Variants in PPM1H observed in about 807,000 individuals in gnomAD.
PPM1H encodes protein phosphatase 1H.
A neutral mutation model predicts 54.9 loss-of-function variants in PPM1H; 27 were observed. The ratio of observed to expected loss-of-function variants is 0.49; its 90% CI spans 0.36 to 0.68. The LOEUF is 0.68. Among genes scored for constraint, PPM1H ranks in the 30% least tolerant of loss-of-function variants. The pLI is 0.00. For synonymous variants in PPM1H, 305 were observed against 270.8 expected, an observed-to-expected ratio of 1.13 and a Z score of -1.24; for missense variants, 596 against 667.8, an observed-to-expected ratio of 0.89 and a Z score of 1.19.
In PPM1H at chr12:62,900,305, G is replaced by A. The variant is rs1239653934; in HGVS notation, c.245+34187C>T. 2.6e-5 allele frequency among the ~76,000 whole-genome samples: 4 copies of A among 151,440 alleles called. No homozygotes were observed. The South Asian group carries it at 6.3e-4, about 24-fold the overall frequency. On this transcript the variant is annotated intron_variant, in intron 1 of 9. Coordinates refer to ENST00000228705, the MANE Select transcript of PPM1H (RefSeq NM_020700.2). ...TTGTGATAGTTTGCTGAGAATGATC[G>A]TTTCCAGCTTCATCCATGTCCCTAC...
At chr12:62,749,275 G>A (rs2076428340) in intron 4 of PPM1H, among the ~76,000 whole-genome samples, 1 of 152,216 alleles carries the variant, frequency 6.6e-6, no homozygotes, top group South Asian at 2.1e-4. Flanking sequence ...TCTTTCAGCT[G>A]AAAGTGATTC....
At chr12:62,771,340 G>A (rs1037856084) in intron 4 of PPM1H, among the ~76,000 whole-genome samples, 11 of 133,948 alleles carry the variant, frequency 8.2e-5, no homozygotes, top group South Asian at 7.8e-4. Context: ...ACACACACAC[G>A]GGCCTTTGGA....
intron 8 of PPM1H, among the ~76,000 whole-genome samples, chr12:62,678,804 C>T (rs1213284478): frequency 1.3e-5 from 2 of 152,054 alleles, no homozygotes; most frequent in African/African-American, 4.8e-5. Context: ...CATTCTCGTG[C>T]CTTAGCCTCC....
rs1255783303 is a variant in PPM1H, at chr12:62,934,194, T to C, written c.245+298A>G. 5 of 359,968 alleles carry C rather than the reference T, an allele frequency of 1.4e-5. No individual in the cohort carries two copies. The highest frequency in any genetic ancestry group is 9.0e-5 in the East Asian group (2 of 22,286). 22.3% of individuals were successfully genotyped at this position (359,968 alleles called of 1,614,324 possible). On this transcript the variant is annotated intron_variant, in intron 1 of 9. Transcript: ENST00000228705. The surrounding 1 kb of genome is among the most constrained non-coding windows in gnomAD (Gnocchi z 4.2). The stretch of plus-strand genomic sequence containing the variant: ...TTTCTGCCCGTTTTTTTTCCCCAAG[T>C]GACAGAGACCCCGGATTCACAGACC...
chr12:62,842,822 C>G (rs755003778), intron 1 of PPM1H, among the ~76,000 whole-genome samples: 1 of 152,266 alleles, frequency 6.6e-6, no homozygotes, highest in East Asian at 1.9e-4. Flanking sequence ...AAATTGGAGA[C>G]GCAGTCTCAT....
chr12:62,771,778 C>T (rs1444413943), intron 4 of PPM1H, among the ~76,000 whole-genome samples: 1 of 152,160 alleles, frequency 6.6e-6, no homozygotes, highest in Non-Finnish European at 1.5e-5. Context: ...AATGCTTTTG[C>T]ATGAATTATG....
chr12:62,671,365 G>A (rs342174), intron 8 of PPM1H, among the ~76,000 whole-genome samples: 28,866 of 151,794 alleles, frequency 0.19, 2,980 homozygotes, highest in East Asian at 0.26. Flanking sequence ...AAAGCCAGAC[G>A]AATCCTTGAG....
intron 1 of PPM1H, among the ~76,000 whole-genome samples, chr12:62,933,361 C>T (rs541516855): frequency 6.6e-6 from 1 of 152,096 alleles, no homozygotes; most frequent in African/African-American, 2.4e-5. Context: ...CCCGGGGTAT[C>T]CGGGCCACCA....
chr12:62,676,623 CTGTCGT>C (rs1303951065), intron 8 of PPM1H, among the ~76,000 whole-genome samples: 1 of 152,154 alleles, frequency 6.6e-6, no homozygotes, highest in African/African-American at 2.4e-5. Context: ...AGCCTGGTCA[CTGTCGT>C]GACCCGGCTG....
intron 4 of PPM1H, among the ~76,000 whole-genome samples, chr12:62,780,951 T>A (rs746471283): frequency 3.9e-5 from 6 of 152,226 alleles, no homozygotes; most frequent in Non-Finnish European, 8.8e-5. Context: ...ATATTCTACT[T>A]CTATGAACTT....
intron 5 of PPM1H, among the ~76,000 whole-genome samples, chr12:62,723,504 A>G (rs74234924): frequency 0.011 from 1,732 of 152,304 alleles, 29 homozygotes; most frequent in East Asian, 0.085. Context: ...TGTTTAGGCC[A>G]TGAAGGTAGA....
intron 9 of PPM1H, among the ~76,000 whole-genome samples, chr12:62,666,337 G>A (rs2075917509): frequency 6.6e-6 from 1 of 152,018 alleles, no homozygotes; most frequent in Non-Finnish European, 1.5e-5. Flanking sequence ...TTTTACTCAT[G>A]GTGACTTGTG....
chr12:62,920,745 C>T (rs1406608379), intron 1 of PPM1H, among the ~76,000 whole-genome samples: 1 of 152,032 alleles, frequency 6.6e-6, no homozygotes, highest in Non-Finnish European at 1.5e-5. Flanking sequence ...CTGTACCTTA[C>T]AATTTGCTTC....
chr12:62,772,188 C>A (rs925590051), intron 4 of PPM1H, among the ~76,000 whole-genome samples: 3 of 152,202 alleles, frequency 2.0e-5, no homozygotes, highest in Admixed American at 6.5e-5. Flanking sequence ...AGGTACCACA[C>A]TGAACGCCTT....
intron 4 of PPM1H, among the ~76,000 whole-genome samples, chr12:62,775,884 C>T (rs1419883915): frequency 6.6e-6 from 1 of 152,222 alleles, no homozygotes; most frequent in Non-Finnish European, 1.5e-5. Context: ...AAAAGACATA[C>T]CCAAGACTGG....
chr12:62,920,117 C>G (rs1871746513), intron 1 of PPM1H, among the ~76,000 whole-genome samples: 1 of 152,116 alleles, frequency 6.6e-6, no homozygotes, highest in Admixed American at 6.5e-5. Context: ...TGTTAATAAT[C>G]ACAGGGAGAA....
At chr12:62,697,023 G>C (rs147320688) in intron 6 of PPM1H, among the ~76,000 whole-genome samples, 6 of 152,178 alleles carry the variant, frequency 3.9e-5, no homozygotes, top group African/African-American at 1.4e-4. Context: ...TTTTCTGTGT[G>C]AGTGGCAAAA....
chr12:62,720,455 C>G (rs991830862), intron 5 of PPM1H, among the ~76,000 whole-genome samples, 166 bp from the exon 6 acceptor site: 2 of 152,072 alleles, frequency 1.3e-5, no homozygotes, highest in African/African-American at 4.8e-5. Flanking sequence ...TAATAGAAGA[C>G]GAGCACATAA....
intron 8 of PPM1H, among the ~76,000 whole-genome samples, chr12:62,679,415 T>A (rs930612099): frequency 6.6e-6 from 1 of 152,210 alleles, no homozygotes; most frequent in African/African-American, 2.4e-5. Flanking sequence ...ATTACAGATA[T>A]GCAGGACTGG....
Sources: gnomAD v4.1 joint callset for allele counts (sites outside exome capture counted in the v4.1 genomes callset) on GRCh38, gnomAD v4.1.1 for gene constraint, Gnocchi (gnomAD v3.1) non-coding constraint, MANE v1.5 for transcripts, NCBI Gene and HGNC (gene_info 2026-07-23, HGNC 2026-07-21) for gene names.